Variants in GRAMD1B observed in about 807,000 individuals in gnomAD.
GRAMD1B encodes the protein protein Aster-B.
Under a neutral mutation model 99.7 loss-of-function variants are expected in GRAMD1B, and 37 were observed. The ratio of observed to expected loss-of-function variants is 0.37; its 90% CI spans 0.29 to 0.49. The LOEUF is 0.49. Among genes scored for constraint, GRAMD1B ranks in the 20% least tolerant of loss-of-function variants. The pLI is 0.98. For missense variants in GRAMD1B, 888 were observed against 1,009.2 expected (o/e 0.88, Z 1.63); for synonymous variants, 427 against 387.6 (o/e 1.10, Z -1.19).
chr11:123,573,126 A>G (rs1948341628), intron 2 of GRAMD1B, among the ~76,000 whole-genome samples: 1 of 151,556 alleles, frequency 6.6e-6, no homozygotes, highest in Non-Finnish European at 1.5e-5. Context: ...GTAGGGCCCG[A>G]TGGCTGGGGC....
intron 10 of GRAMD1B, 72 bp from the exon 11 acceptor site, chr11:123,606,537 C>T (rs547017473): frequency 1.5e-6 from 2 of 1,359,402 alleles, no homozygotes; most frequent in Admixed American, 4.1e-5. Flanking sequence ...AAGGCTGCAT[C>T]CCTAATCTCC....
intron 1 of GRAMD1B, among the ~76,000 whole-genome samples, chr11:123,436,739 G>A (rs1949176987): frequency 6.6e-6 from 1 of 152,134 alleles, no homozygotes. Flanking sequence ...AACTACCATT[G>A]AACATAAGAC....
chr11:123,487,634 T>C (rs1415375589), intron 2 of GRAMD1B, among the ~76,000 whole-genome samples: 4 of 152,192 alleles, frequency 2.6e-5, no homozygotes, highest in Non-Finnish European at 5.9e-5. Context: ...AGAGACAGTC[T>C]TGCTTTGTCA....
intron 2 of GRAMD1B, among the ~76,000 whole-genome samples, chr11:123,508,844 A>G (rs933767205): frequency 3.3e-5 from 5 of 151,842 alleles, no homozygotes; most frequent in Non-Finnish European, 7.4e-5. Context: ...TACCACCATG[A>G]CTGGCTAATT....
chr11:123,464,137 TA>T (rs753545078), intron 1 of GRAMD1B, among the ~76,000 whole-genome samples: 541 of 137,466 alleles, frequency 3.9e-3, no homozygotes, highest in Middle Eastern at 0.022. Context: ...ACCCCATTTC[TA>T]AAAAAAAAAA....
In GRAMD1B at chr11:123,584,330, A is replaced by T; in HGVS notation, c.682A>T (p.Asn228Tyr). The change falls in exon 4 of 20, where the codon AAT becomes TAT. Residue 228 changes from asparagine to tyrosine, a missense_variant and splice_region_variant. By Grantham distance (143) the Asn-to-Tyr change is moderately radical. Around this residue, in one of 5 missense-constraint regions of GRAMD1B, gnomAD observed 62 missense variants for 139.4 expected, o/e 0.44. Transcript: ENST00000635736. ...TTTTCAGAAAAGCCAGAGTTGGTAT[A>T]ATGTAAGTATTCCTGTTTCCCTTCT... ...KNSKKSQSWY[N>Y]VLSPTYKQRN... is the part of the protein sequence containing the mutation. The T allele has an allele frequency of 1.5e-6, 1 of 667,076 alleles. No homozygotes were observed. The allele number at this position is 667,076 out of a possible 1,614,324, so 41.3% of individuals were successfully genotyped here.
chr11:123,583,361 A>ATG (rs777507163), intron 3 of GRAMD1B, among the ~76,000 whole-genome samples: 11 of 141,032 alleles, frequency 7.8e-5, no homozygotes, highest in Non-Finnish European at 1.5e-4. Context: ...GCATGTGTGT[A>ATG]TGTGTGTGTG....
chr11:123,488,914 C>T (rs1167049738), intron 2 of GRAMD1B, among the ~76,000 whole-genome samples: 1 of 151,884 alleles, frequency 6.6e-6, no homozygotes, highest in African/African-American at 2.4e-5. Flanking sequence ...AAATTTGGAG[C>T]TCAGGGAAAA....
In GRAMD1B at chr11:123,389,084, A is replaced by T. The variant is rs547243499; in HGVS notation, c.-176+30285A>T. On this transcript the variant is annotated intron_variant, in intron 1 of 20. Coordinates refer to the GRAMD1B transcript ENST00000638157. The stretch of plus-strand genomic sequence containing the variant: ...CTGCCACAGTCTAATCATGAGAAAA[A>T]CAACAGTAAAAAAATCCCGACCGGG... Among the ~76,000 whole-genome samples, 3 of 152,178 alleles carry T rather than the reference A, an allele frequency of 2.0e-5. No individual in the cohort carries two copies. In the South Asian group the frequency reaches 6.2e-4, roughly 32 times the overall value.
chr11:123,613,390 T>G (rs1295727779), intron 15 of GRAMD1B, 65 bp from the exon 16 acceptor site: 29 of 1,179,926 alleles, frequency 2.5e-5, no homozygotes, highest in African/African-American at 3.0e-5. Flanking sequence ...AGGAAAATGG[T>G]TCTGCAGAGA....
intron 2 of GRAMD1B, among the ~76,000 whole-genome samples, chr11:123,569,343 G>T (rs1381284409): frequency 2.6e-5 from 4 of 152,148 alleles, no homozygotes; most frequent in Admixed American, 6.5e-5. Context: ...TAAGGAGGAG[G>T]ATCCAAGGGG....
chr11:123,440,909 T>G (rs1223627528), intron 1 of GRAMD1B, among the ~76,000 whole-genome samples: 2 of 152,174 alleles, frequency 1.3e-5, no homozygotes, highest in Non-Finnish European at 2.9e-5. Flanking sequence ...TCCTGTGCTG[T>G]TCTCAGGATA....
At chr11:123,529,887 C>T (rs1348747562) in intron 2 of GRAMD1B, among the ~76,000 whole-genome samples, 1 of 152,120 alleles carries the variant, frequency 6.6e-6, no homozygotes, top group Non-Finnish European at 1.5e-5. Flanking sequence ...GTGTTCCTGG[C>T]CCTCACATCT....
At chr11:123,506,448 G>A (rs1373787900) in intron 2 of GRAMD1B, among the ~76,000 whole-genome samples, 4 of 151,790 alleles carry the variant, frequency 2.6e-5, no homozygotes, top group African/African-American at 9.7e-5. Context: ...CAGTGATTAA[G>A]GAGTTAGAAA....
In GRAMD1B at chr11:123,591,437, C is replaced by G. The variant is rs1950632151; in HGVS notation, c.685-2645C>G. 2.5e-6 allele frequency: 1 copy of G among 399,016 alleles called. No individual in the cohort carries two copies. Among genetic ancestry groups the G allele is most frequent in the Admixed American group, 4.4e-5 (1 of 22,720 alleles). The allele number at this position is 399,016 out of a possible 1,614,324, so 24.7% of individuals were successfully genotyped here. On this transcript the variant is annotated intron_variant, in intron 4 of 19. Transcript: ENST00000635736. The surrounding 1 kb of genome is among the most constrained non-coding windows in gnomAD (Gnocchi z 4.7). ...GTCGGGGGTCCTCTGGAGCCTTCTG[C>G]TGGAGCAGGAGAGCCAGCTGCTGCA...
intron 1 of GRAMD1B, among the ~76,000 whole-genome samples, chr11:123,432,680 G>A (rs1948955389): frequency 6.6e-6 from 1 of 152,172 alleles, no homozygotes; most frequent in East Asian, 1.9e-4. Context: ...TGAAGGAAGA[G>A]GCTGACACCA....
chr11:123,469,702 CTT>C (rs1565525907), intron 1 of GRAMD1B, among the ~76,000 whole-genome samples: 2 of 151,444 alleles, frequency 1.3e-5, no homozygotes, highest in Non-Finnish European at 2.9e-5. Flanking sequence ...TTCCCTTTCT[CTT>C]TCTTTTCTTT....
chr11:123,606,550 T>A (rs1952753502), intron 10 of GRAMD1B, 59 bp from the exon 11 acceptor site: 1 of 1,450,276 alleles, frequency 6.9e-7, no homozygotes, highest in Non-Finnish European at 9.4e-7. Flanking sequence ...TAATCTCCCT[T>A]TGGAGAATAG....
chr11:123,596,068 TC>T, intron 7 of GRAMD1B, 31 bp downstream of exon 7: 1 of 1,181,574 alleles, frequency 8.5e-7, no homozygotes, highest in Non-Finnish European at 1.2e-6. Flanking sequence ...GCCTTTCTAA[TC>T]CTCCCTTACT....
Sources: gnomAD v4.1 joint callset for allele counts (sites outside exome capture counted in the v4.1 genomes callset) on GRCh38, gnomAD v4.1.1 for gene constraint, gnomAD v4.1.1 regional missense constraint, Gnocchi (gnomAD v3.1) non-coding constraint, MANE v1.5 for transcripts, NCBI Gene and HGNC (gene_info 2026-07-23, HGNC 2026-07-21) for gene names.